The following SPATA13 variants were observed in gnomAD, a reference collection of about 807,000 sequenced individuals.
SPATA13 encodes the protein spermatogenesis associated 13.
Under a neutral mutation model 104.0 loss-of-function variants are expected in SPATA13, and 50 were observed. That is an observed-to-expected ratio of 0.48 (90% CI 0.38 to 0.61). The LOEUF (loss-of-function observed/expected upper bound fraction) is 0.61, where lower values mean the gene tolerates loss of function less well. SPATA13 is among the 20% of genes least tolerant of loss of function. The pLI, the probability that SPATA13 is intolerant of heterozygous loss-of-function variation, is 0.00. For synonymous variants in SPATA13, 606 were observed against 667.5 expected, an observed-to-expected ratio of 0.91 and a Z score of 1.42; for missense variants, 1,524 against 1,690.6, an observed-to-expected ratio of 0.90 and a Z score of 1.73.
chr13:24,194,642 C>T (rs1869949540), intron 1 of SPATA13, among the ~76,000 whole-genome samples: 1 of 152,174 alleles, frequency 6.6e-6, no homozygotes. Flanking sequence ...CACCACTCAC[C>T]GACTGGTCTG....
chr13:24,302,155 T>G (rs1877230910), intron 12 of SPATA13, among the ~76,000 whole-genome samples: 1 of 152,152 alleles, frequency 6.6e-6, no homozygotes, highest in African/African-American at 2.4e-5. Flanking sequence ...GTCAAGTTGT[T>G]GTCATAATAC....
At chr13:24,261,295 C>A (rs1397774776) in intron 4 of SPATA13, among the ~76,000 whole-genome samples, 1 of 152,186 alleles carries the variant, frequency 6.6e-6, no homozygotes, top group Non-Finnish European at 1.5e-5. Context: ...CGTGCTGCCT[C>A]TGATGCCTGG....
chr13:24,075,740 C>A (rs2097523293), intron 3 of SPATA13, among the ~76,000 whole-genome samples: 1 of 152,172 alleles, frequency 6.6e-6, no homozygotes, highest in African/African-American at 2.4e-5. Context: ...CCTTGACCTC[C>A]AATTCTGGAG....
At chr13:24,268,292 T>C (rs537345591) in intron 4 of SPATA13, among the ~76,000 whole-genome samples, 18 of 152,300 alleles carry the variant, frequency 1.2e-4, no homozygotes, top group Non-Finnish European at 2.5e-4. Flanking sequence ...CCATGAGATA[T>C]ACTTAGGAGA....
At chr13:24,057,220 ATC>A (rs1242931485) in intron 3 of SPATA13, among the ~76,000 whole-genome samples, 1 of 147,782 alleles carries the variant, frequency 6.8e-6, no homozygotes, top group Non-Finnish European at 1.5e-5. Flanking sequence ...TCCTAAAGCT[ATC>A]CCTCCCCCCT....
rs373840828 is a variant in SPATA13 at position 24,299,215 on chromosome 13, T to C, written c.3584-1186T>C. Among the ~76,000 whole-genome samples the C allele has an allele frequency of 8.5e-5, 13 of 152,144 alleles. No individual in the cohort carries two copies. The East Asian group carries it at 1.9e-3, about 23-fold the overall frequency. On this transcript the variant is annotated intron_variant, in intron 11 of 12. Coordinates refer to ENST00000382108, the MANE Select transcript of SPATA13 (RefSeq NM_001166271.3). Reference sequence around the variant, plus strand: ...TTGGATTCCCAAAGACGGCACTATTTAGTGGGGGCATCCTATGTGCTTTCA... The same window carrying C: ...TTGGATTCCCAAAGACGGCACTATTCAGTGGGGGCATCCTATGTGCTTTCA...
intron 3 of SPATA13, among the ~76,000 whole-genome samples, chr13:24,062,325 T>C (rs1462058340): frequency 2.0e-5 from 3 of 152,212 alleles, no homozygotes; most frequent in Admixed American, 6.5e-5. Context: ...CTGTCATCTT[T>C]GGAGGAAGGA....
intron 4 of SPATA13, among the ~76,000 whole-genome samples, chr13:24,259,005 A>G (rs900430297): frequency 1.3e-5 from 2 of 152,194 alleles, no homozygotes; most frequent in African/African-American, 4.8e-5. Flanking sequence ...TGGACCATCC[A>G]TATGGGTAAG....
At chr13:24,195,237 T>G (rs1869988507) in intron 1 of SPATA13, among the ~76,000 whole-genome samples, 1 of 151,226 alleles carries the variant, frequency 6.6e-6, no homozygotes, top group Non-Finnish European at 1.5e-5. Flanking sequence ...TTCTTTTACT[T>G]AGATAATATT....
intron 1 of SPATA13, among the ~76,000 whole-genome samples, chr13:24,202,681 G>A (rs1365863877): frequency 2.6e-5 from 4 of 151,376 alleles, no homozygotes; most frequent in Non-Finnish European, 4.4e-5. Context: ...AAATACAGAC[G>A]GAAGAGAGTG....
At chr13:24,200,125 AT>A (rs1405872630) in intron 1 of SPATA13, among the ~76,000 whole-genome samples, 1 of 152,130 alleles carries the variant, frequency 6.6e-6, no homozygotes, top group Non-Finnish European at 1.5e-5. Flanking sequence ...TTCAACGGGC[AT>A]TTTCTTAATT....
At chr13:24,029,334 A>G (rs905485679) in intron 3 of SPATA13, among the ~76,000 whole-genome samples, 10 of 151,970 alleles carry the variant, frequency 6.6e-5, no homozygotes, top group Non-Finnish European at 1.5e-4. Context: ...ACAAATTTGG[A>G]TCTATTTAAT....
chr13:24,161,319 G>A lies in SPATA13; in HGVS notation c.-112+387G>A, dbSNP rs529240967. Among the ~76,000 whole-genome samples the A allele has an allele frequency of 7.6e-4, 116 of 152,324 alleles. 1 individual carries two copies. The highest frequency in any genetic ancestry group is 2.6e-3 in the African/African-American group (108 of 41,574). On this transcript the variant is annotated intron_variant, in intron 1 of 12. Transcript: ENST00000382108. The surrounding 1 kb of genome is among the most constrained non-coding windows in gnomAD (Gnocchi z 4.5). ...GGCCGTGGGGGTGGCAGAGTCTGGG[G>A]AGCCTGGCGCGGCGGAGCCCTGTAA...
chr13:24,232,558 T>C (rs1041980194), intron 2 of SPATA13, among the ~76,000 whole-genome samples: 17 of 152,240 alleles, frequency 1.1e-4, no homozygotes, highest in Non-Finnish European at 2.2e-4. Flanking sequence ...TTTTTCTTTT[T>C]TGAGACAGGG....
chr13:24,056,487 C>T (rs1456292610), intron 3 of SPATA13, among the ~76,000 whole-genome samples: 4 of 152,200 alleles, frequency 2.6e-5, no homozygotes, highest in Non-Finnish European at 5.9e-5. Context: ...TCCCATGGAC[C>T]TCTGTCCTTC....
intron 2 of SPATA13, among the ~76,000 whole-genome samples, chr13:24,233,797 A>C (rs1872412201): frequency 6.6e-6 from 1 of 152,150 alleles, no homozygotes. Context: ...TTCTAGCCAG[A>C]GTGAGGACCC....
At chr13:24,290,566 C>A in intron 8 of SPATA13, 86 bp from the exon 9 acceptor site, 1 of 986,138 alleles carries the variant, frequency 1.0e-6, no homozygotes. Context: ...TAGGAGTGTC[C>A]CTTAGAGAGG....
At position 24,224,040 on chromosome 13, in the gene SPATA13, C is replaced by G; in HGVS notation, c.1111C>G (p.Gln371Glu). ...CCGCCGCGTCTCCAGGAGCACTGAG[C>G]AGGACAGCAGGCGGGGCGGGGCGGT... ...YSRRVSRSTE[Q>E]DSRRGGAVMH... The change falls in exon 2 of 13, where the codon CAG (glutamine) becomes GAG (glutamate). Residue 371 changes from glutamine (Q) to glutamate (E), a missense_variant. Gln to Glu is a conservative substitution (Grantham distance 29). Transcript: ENST00000382108. 6.5e-7 allele frequency: 1 copy of G among 1,549,172 alleles called. No individual in the cohort carries two copies. Among genetic ancestry groups the G allele is most frequent in the Non-Finnish European group, 8.7e-7 (1 of 1,145,784 alleles).
chr13:24,278,668 T>C, intron 4 of SPATA13: 2 of 1,515,218 alleles, frequency 1.3e-6, no homozygotes, highest in South Asian at 1.3e-5. Flanking sequence ...CAATAACAAG[T>C]ACTTGTTCAG....
Sources: gnomAD v4.1 joint callset for allele counts (sites outside exome capture counted in the v4.1 genomes callset) on GRCh38, gnomAD v4.1.1 for gene constraint, Gnocchi (gnomAD v3.1) non-coding constraint, MANE v1.5 for transcripts, NCBI Gene and HGNC (gene_info 2026-07-23, HGNC 2026-07-21) for gene names.